CNKSR3: variants seen among roughly 807,000 people sequenced by gnomAD.
The protein encoded by CNKSR3 is CNKSR family member 3, also known as connector enhancer of kinase suppressor of ras 3.
Under a neutral mutation model 67.7 loss-of-function variants are expected in CNKSR3, and 36 were observed. The ratio of observed to expected loss-of-function variants is 0.53; its 90% CI spans 0.41 to 0.70. The LOEUF (loss-of-function observed/expected upper bound fraction) is 0.70. Ranked by LOEUF, CNKSR3 falls within the 30% of genes least tolerant of loss-of-function variation. CNKSR3 has a pLI of 0.00. For synonymous variants in CNKSR3, 281 were observed against 271.4 expected, an observed-to-expected ratio of 1.04 and a Z score of -0.35; for missense variants, 630 against 695.2, an observed-to-expected ratio of 0.91 and a Z score of 1.05.
intron 2 of CNKSR3, among the ~76,000 whole-genome samples, chr6:154,447,246 G>A (rs1047732980): frequency 4.6e-5 from 7 of 152,154 alleles, no homozygotes; most frequent in African/African-American, 7.2e-5. Context: ...GTCCAATATC[G>A]TAGCCACTAG....
rs1456671958 is a variant in CNKSR3, at chr6:154,411,063, G to T, written c.1150C>A (p.Pro384Thr). ...CTTTCCTGGTCCAAGAAGGAATTCG[G>T]GGACTCTGAACCCTTAGGACCAGGC... Reference protein sequence around the residue: ...PLPGPKGSESPNSFLDQESRR... With the variant: ...PLPGPKGSESTNSFLDQESRR... Residue 384 changes from proline to threonine, a missense_variant, in exon 11 of 13, where the codon CCG becomes ACG. By Grantham distance (38) the Pro-to-Thr change is conservative. Around this residue, in one of 3 missense-constraint regions of CNKSR3, gnomAD observed 308 missense variants for 299.6 expected, o/e 1.03. Coordinates refer to ENST00000607772, the MANE Select transcript of CNKSR3 (RefSeq NM_173515.4). 5.6e-6 allele frequency: 9 copies of T among 1,613,964 alleles called. No homozygotes were observed. The highest frequency in any genetic ancestry group is 6.8e-6 in the Non-Finnish European group (8 of 1,180,000).
chr6:154,415,007 A>C (rs9384213), intron 9 of CNKSR3, among the ~76,000 whole-genome samples: 13,917 of 144,048 alleles, frequency 0.097, 1,044 homozygotes, highest in East Asian at 0.41. Flanking sequence ...ATGAGATGGG[A>C]GGATTGCTTG....
At chr6:154,495,668 C>A (rs1364146332) in intron 1 of CNKSR3, among the ~76,000 whole-genome samples, 1 of 151,992 alleles carries the variant, frequency 6.6e-6, no homozygotes, top group Admixed American at 6.6e-5. Context: ...AGCCACTGTG[C>A]CCGGCCTCAA....
In CNKSR3 at chr6:154,391,539, A is replaced by C. The variant is rs985847900; in HGVS notation, c.*14815T>G. 3.3e-5 allele frequency: 5 copies of C among 152,198 alleles called. No homozygotes were observed. The highest frequency in any genetic ancestry group is 1.2e-4 in the African/African-American group (5 of 41,444). The allele number at this position is 152,198 out of a possible 1,614,324, so 9.4% of individuals were successfully genotyped here. On this transcript the variant is annotated 3_prime_UTR_variant, in exon 13 of 13. Coordinates refer to ENST00000607772, the MANE Select transcript of CNKSR3 (RefSeq NM_173515.4). The stretch of plus-strand genomic sequence containing the variant: ...TGAGCAATCAGGCCCAGCCTGAATC[A>C]CTTCTTTAAAGACCGAATCTCCAAA...
At chr6:154,483,471 C>A (rs1310480795) in intron 1 of CNKSR3, among the ~76,000 whole-genome samples, 1 of 152,030 alleles carries the variant, frequency 6.6e-6, no homozygotes, top group African/African-American at 2.4e-5. Flanking sequence ...TTTTCTAAAT[C>A]ACTTCACCTA....
At chr6:154,418,703 A>G (rs1434868301) in intron 9 of CNKSR3, among the ~76,000 whole-genome samples, 1 of 152,208 alleles carries the variant, frequency 6.6e-6, no homozygotes, top group Non-Finnish European at 1.5e-5. Flanking sequence ...TTTTACACTG[A>G]CCAATGCCAA....
chr6:154,452,612 T>C (rs1321005277), intron 1 of CNKSR3, among the ~76,000 whole-genome samples: 2 of 152,244 alleles, frequency 1.3e-5, no homozygotes, highest in African/African-American at 4.8e-5. Context: ...GACAACTATG[T>C]TATACATTTC....
intron 2 of CNKSR3, among the ~76,000 whole-genome samples, chr6:154,443,761 A>C (rs1785653160): frequency 6.6e-6 from 1 of 152,180 alleles, no homozygotes; most frequent in East Asian, 1.9e-4. Context: ...CAAGAGGCTG[A>C]GGTAGGAGGA....
At chr6:154,422,227 C>T (rs1203814289) in intron 9 of CNKSR3, among the ~76,000 whole-genome samples, 2 of 152,106 alleles carry the variant, frequency 1.3e-5, no homozygotes, top group Admixed American at 6.5e-5. Flanking sequence ...CTCCTGACCT[C>T]GTGATCCGCC....
In CNKSR3 at chr6:154,395,276, G is replaced by A. The variant is rs1177978321; in HGVS notation, c.*11078C>T. On this transcript the variant is annotated 3_prime_UTR_variant, in exon 13 of 13. Coordinates refer to ENST00000607772, the MANE Select transcript of CNKSR3 (RefSeq NM_173515.4). ...TATGTTTCCAGTTAATTCTACAAGAGTGCTTTTGAAAAAAGTACTCCAAAG... is the reference window on the plus strand; with the variant it reads ...TATGTTTCCAGTTAATTCTACAAGAATGCTTTTGAAAAAAGTACTCCAAAG... 1 of 151,906 alleles carries A rather than the reference G, an allele frequency of 6.6e-6. No homozygotes were observed. The highest frequency in any genetic ancestry group is 1.5e-5 in the Non-Finnish European group (1 of 68,010). The allele number at this position is 151,906 out of a possible 1,614,324, so 9.4% of individuals were successfully genotyped here. A position where few individuals can be genotyped will look rare whatever the true frequency, so the allele number is the denominator to read the frequency against.
intron 1 of CNKSR3, among the ~76,000 whole-genome samples, chr6:154,466,269 T>C (rs547560230): frequency 3.9e-5 from 6 of 152,322 alleles, no homozygotes; most frequent in Non-Finnish European, 7.3e-5. Context: ...TGTACCTGTA[T>C]ATCCTAAGGG....
rs760666886 is a variant in CNKSR3, at chr6:154,486,299, CT to C, written c.52+23763del. Among the ~76,000 whole-genome samples, 1,341 of 138,656 alleles carry C rather than the reference CT, an allele frequency of 9.7e-3. 11 individuals carry two copies. The highest frequency in any genetic ancestry group is 0.028 in the African/African-American group (1,054 of 38,066). 91.0% of individuals were successfully genotyped at this position (138,656 alleles called of 152,430 possible). A position where few individuals can be genotyped will look rare whatever the true frequency, so the allele number is the denominator to read the frequency against. ...TTCTCTTTTCTCTCTCTCTCTTTTT[CT>C]TTTTTTTTTTTTTTAGACGGAGTCT... is the stretch of plus-strand genomic sequence containing the variant. On this transcript the variant is annotated intron_variant, in intron 1 of 12. Coordinates refer to ENST00000607772, the MANE Select transcript of CNKSR3 (RefSeq NM_173515.4).
At chr6:154,432,390 T>C (rs140653921) in intron 5 of CNKSR3, among the ~76,000 whole-genome samples, 363 of 152,358 alleles carry the variant, frequency 2.4e-3, no homozygotes, top group African/African-American at 8.3e-3. Context: ...TATATTTTGT[T>C]CTTGTTCTTT....
chr6:154,505,683 G>T (rs1787086850), intron 1 of CNKSR3, among the ~76,000 whole-genome samples: 1 of 150,828 alleles, frequency 6.6e-6, no homozygotes, highest in South Asian at 2.1e-4. Context: ...GTATTTTTTA[G>T]TAGAGATGGG....
At chr6:154,485,643 C>G (rs1443956103) in intron 1 of CNKSR3, among the ~76,000 whole-genome samples, 1 of 152,204 alleles carries the variant, frequency 6.6e-6, no homozygotes, top group African/African-American at 2.4e-5. Flanking sequence ...CCAGGTTACT[C>G]CCTGCAAGGC....
intron 9 of CNKSR3, among the ~76,000 whole-genome samples, chr6:154,418,633 G>A (rs556209443): frequency 9.9e-5 from 15 of 152,232 alleles, no homozygotes; most frequent in African/African-American, 2.9e-4. Context: ...AGGAATTAGC[G>A]CCTCTGGAAT....
intron 2 of CNKSR3, among the ~76,000 whole-genome samples, chr6:154,443,402 C>T (rs886629693): frequency 6.6e-6 from 1 of 151,356 alleles, no homozygotes; most frequent in African/African-American, 2.4e-5. Flanking sequence ...GGCAGTAGTA[C>T]CTCCTCCCCC....
chr6:154,440,354 CAG>C (rs1159758715), intron 4 of CNKSR3, among the ~76,000 whole-genome samples: 2 of 152,120 alleles, frequency 1.3e-5, no homozygotes, highest in Non-Finnish European at 2.9e-5. Context: ...AATGTGGAAA[CAG>C]AATTTTAGAA....
In CNKSR3 at chr6:154,422,945, G is replaced by T; in HGVS notation, c.768C>A (p.Asp256Glu). The T allele has an allele frequency of 6.2e-7, 1 of 1,612,990 alleles. No homozygotes were observed. The highest frequency in any genetic ancestry group is 8.5e-7 in the Non-Finnish European group (1 of 1,179,300). The change falls in exon 8 of 13, where the codon GAC becomes GAA. Residue 256 changes from aspartate to glutamate, a missense_variant. This residue lies in a region of CNKSR3 where 133 missense variants were observed against 190.6 expected (regional missense o/e 0.70). Coordinates refer to ENST00000607772, the MANE Select transcript of CNKSR3 (RefSeq NM_173515.4). ...ADRSQKIHAG[D>E]EVIQVNQQTV... is the part of the protein sequence containing the mutation. Reference sequence around the variant, plus strand: ...TTTGCTGATTAACTTGAATGACTTCGTCACCAGCATGAATCTTCTGAGATC... The same window carrying T: ...TTTGCTGATTAACTTGAATGACTTCTTCACCAGCATGAATCTTCTGAGATC...
Sources: allele counts gnomAD v4.1 joint callset (sites outside exome capture counted in the v4.1 genomes callset), GRCh38; gene constraint gnomAD v4.1.1; regional missense constraint gnomAD v4.1.1; transcripts MANE v1.5; gene names NCBI Gene and HGNC (gene_info 2026-07-23, HGNC 2026-07-21).